Variants in DLGAP1 observed in about 807,000 individuals in gnomAD.
DLGAP1 encodes disks large-associated protein 1.
In DLGAP1, 11 loss-of-function variants were observed where a neutral mutation model predicts 90.8. The ratio of observed to expected loss-of-function variants is 0.12; its 90% CI spans 0.08 to 0.20. DLGAP1 has a LOEUF of 0.20. Ranked by LOEUF, DLGAP1 falls within the 10% of genes least tolerant of loss-of-function variation. The pLI, the probability that DLGAP1 is intolerant of heterozygous loss-of-function variation, is 1.00. For missense variants in DLGAP1, 1,050 were observed against 1,333.8 expected (o/e 0.79, Z 3.31); for synonymous variants, 558 against 540.7 (o/e 1.03, Z -0.44).
intron 3 of DLGAP1, among the ~76,000 whole-genome samples, chr18:3,973,542 C>T (rs1019833062): frequency 2.0e-5 from 3 of 152,170 alleles, no homozygotes; most frequent in Non-Finnish European, 4.4e-5. Flanking sequence ...CCCTATTTCA[C>T]CTGTGGTTCC....
intron 7 of DLGAP1, among the ~76,000 whole-genome samples, chr18:3,704,741 C>T (rs1232526596): frequency 6.6e-6 from 1 of 152,040 alleles, no homozygotes; most frequent in African/African-American, 2.4e-5. Flanking sequence ...AGCTTTCCAA[C>T]TGAGCAGCCC....
chr18:3,793,166 C>T (rs1446518724), intron 5 of DLGAP1, among the ~76,000 whole-genome samples: 2 of 152,176 alleles, frequency 1.3e-5, no homozygotes, highest in Non-Finnish European at 2.9e-5. Context: ...TGTTTCAGCA[C>T]ACCACGGTTC....
intron 2 of DLGAP1, among the ~76,000 whole-genome samples, chr18:4,091,085 C>T (rs2075767191): frequency 6.6e-6 from 1 of 151,990 alleles, no homozygotes; most frequent in African/African-American, 2.4e-5. Context: ...TATACTGGGG[C>T]CTATTGTTGG....
At chr18:3,529,780 A>G (rs976563419) in intron 10 of DLGAP1, among the ~76,000 whole-genome samples, 2 of 152,322 alleles carry the variant, frequency 1.3e-5, no homozygotes, top group Non-Finnish European at 2.9e-5. Context: ...TTAGGCCTGG[A>G]ACAACAGATG....
intron 1 of DLGAP1, among the ~76,000 whole-genome samples, chr18:4,382,048 C>T (rs574379768): frequency 3.3e-5 from 5 of 152,084 alleles, no homozygotes; most frequent in Admixed American, 6.6e-5. Flanking sequence ...AAGACTTGCC[C>T]CCATGATTCA....
In DLGAP1 at chr18:4,391,764, T is replaced by C. The variant is rs986045981; in HGVS notation, c.-267+63242A>G. Among the ~76,000 whole-genome samples the C allele has an allele frequency of 4.6e-5, 7 of 152,170 alleles. 1 individual carries two copies. Among genetic ancestry groups the C allele is most frequent in the Admixed American group, 2.6e-4 (4 of 15,274 alleles). On this transcript the variant is annotated intron_variant, in intron 1 of 12. Coordinates refer to ENST00000315677, the MANE Select transcript of DLGAP1 (RefSeq NM_004746.4). ...TAAGGTATGCTCCCAGAAACGCATG[T>C]TCTTGGGCTAAACATTTACCTCATG...
chr18:3,574,964 G>A lies in DLGAP1; in HGVS notation c.1965+6911C>T, dbSNP rs566550811. Among the ~76,000 whole-genome samples the A allele has an allele frequency of 1.9e-3, 288 of 151,516 alleles. 3 individuals carry two copies. Among genetic ancestry groups the A allele is most frequent in the African/African-American group, 6.5e-3 (271 of 41,382 alleles). ...CGAGTAGCTGGGACTACAGGCGCCC[G>A]CCACCACGCCCAGCTAATTTTTTGT... On this transcript the variant is annotated intron_variant, in intron 8 of 12. Transcript: ENST00000315677.
At chr18:3,651,935 C>T (rs573346116) in intron 7 of DLGAP1, among the ~76,000 whole-genome samples, 10 of 152,020 alleles carry the variant, frequency 6.6e-5, no homozygotes, top group South Asian at 2.1e-4. Flanking sequence ...CACGCCACTG[C>T]GCTCCAGCCT....
chr18:3,724,031 A>AATTAG (rs1366638651), intron 7 of DLGAP1, among the ~76,000 whole-genome samples: 1 of 152,154 alleles, frequency 6.6e-6, no homozygotes, highest in African/African-American at 2.4e-5. Flanking sequence ...CTAATAAGAG[A>AATTAG]ATTAGAGTAT....
chr18:3,765,329 A>T (rs1186233367), intron 5 of DLGAP1, among the ~76,000 whole-genome samples: 4 of 149,106 alleles, frequency 2.7e-5, no homozygotes, highest in Non-Finnish European at 4.5e-5. Flanking sequence ...ATGGGGTTTC[A>T]CCATGTTAGC....
At chr18:3,659,445 A>ACCCCCC in intron 7 of DLGAP1, among the ~76,000 whole-genome samples, 136 of 105,230 alleles carry the variant, frequency 1.3e-3, no homozygotes, top group African/African-American at 4.7e-3. Context: ...GGATGCTACC[A>ACCCCCC]CCCCCCGCCG....
intron 1 of DLGAP1, among the ~76,000 whole-genome samples, chr18:4,428,352 G>T (rs372550229): frequency 1.4e-4 from 21 of 152,086 alleles, no homozygotes; most frequent in Admixed American, 2.6e-4. Flanking sequence ...AGGCCAAGGC[G>T]GACGGATCAC....
chr18:4,078,079 C>T (rs764641020), intron 2 of DLGAP1, among the ~76,000 whole-genome samples: 9 of 152,178 alleles, frequency 5.9e-5, no homozygotes, highest in Admixed American at 2.0e-4. Flanking sequence ...TCATTGTAAA[C>T]GACAGATACT....
intron 1 of DLGAP1, among the ~76,000 whole-genome samples, chr18:4,394,129 T>C (rs182380011): frequency 6.6e-6 from 1 of 152,088 alleles, no homozygotes; most frequent in African/African-American, 2.4e-5. Flanking sequence ...TGGCTAAACA[T>C]AATAAGGTGA....
chr18:4,375,863 G>C (rs1307658870), intron 1 of DLGAP1, among the ~76,000 whole-genome samples: 1 of 151,764 alleles, frequency 6.6e-6, no homozygotes, highest in Non-Finnish European at 1.5e-5. Flanking sequence ...TAATATTTAA[G>C]ACTATCCATA....
At chr18:3,563,583 C>T (rs2054268604) in intron 9 of DLGAP1, among the ~76,000 whole-genome samples, 1 of 152,082 alleles carries the variant, frequency 6.6e-6, no homozygotes, top group African/African-American at 2.4e-5. Flanking sequence ...AATTCTCCTA[C>T]CTCATCCTCC....
chr18:3,901,515 T>C (rs1395944927), intron 3 of DLGAP1, among the ~76,000 whole-genome samples: 1 of 152,136 alleles, frequency 6.6e-6, no homozygotes, highest in Non-Finnish European at 1.5e-5. Context: ...GCTGGTTCCC[T>C]AGGGATGTTG....
intron 8 of DLGAP1, among the ~76,000 whole-genome samples, chr18:3,568,497 C>A (rs2054562792): frequency 6.6e-6 from 1 of 151,940 alleles, no homozygotes; most frequent in Admixed American, 6.6e-5. Context: ...TAGGTTTATT[C>A]CGTTTTCCTA....
At chr18:3,928,831 T>C (rs1184089606) in intron 3 of DLGAP1, among the ~76,000 whole-genome samples, 1 of 152,226 alleles carries the variant, frequency 6.6e-6, no homozygotes, top group African/African-American at 2.4e-5. Context: ...GGTTTGGCTC[T>C]GTGTCCCTTC....
Sources: gnomAD v4.1 joint callset for allele counts (sites outside exome capture counted in the v4.1 genomes callset) on GRCh38, gnomAD v4.1.1 for gene constraint, MANE v1.5 for transcripts, NCBI Gene and HGNC (gene_info 2026-07-23, HGNC 2026-07-21) for gene names.